The following ATRNL1 variants were observed in gnomAD, a reference collection of about 807,000 sequenced individuals.
ATRNL1 encodes attractin-like protein 1.
In ATRNL1, 95 loss-of-function variants were observed where a neutral mutation model predicts 182.7. The observed-to-expected ratio is 0.52, with a 90% confidence interval of 0.44 to 0.62. The LOEUF (loss-of-function observed/expected upper bound fraction) is 0.62. ATRNL1 is among the 20% of genes least tolerant of loss of function. ATRNL1 has a pLI of 0.00. For missense variants in ATRNL1, 1,471 were observed against 1,679.5 expected (o/e 0.88, Z 2.17); for synonymous variants, 576 against 568.3 (o/e 1.01, Z -0.19).
intron 26 of ATRNL1, among the ~76,000 whole-genome samples, chr10:115,712,893 G>T (rs1330633800): frequency 6.6e-6 from 1 of 151,284 alleles, no homozygotes; most frequent in Non-Finnish European, 1.5e-5. Flanking sequence ...AAAAAAATTA[G>T]AAATTTTTAA....
chr10:115,687,966 G>A (rs937449132), intron 26 of ATRNL1, among the ~76,000 whole-genome samples: 1 of 151,662 alleles, frequency 6.6e-6, no homozygotes, highest in Non-Finnish European at 1.5e-5. Context: ...TCACTCCCCC[G>A]CTCCCCACTG....
chr10:115,425,468 T>C (rs1212819652), intron 20 of ATRNL1, among the ~76,000 whole-genome samples: 2 of 152,018 alleles, frequency 1.3e-5, no homozygotes, highest in African/African-American at 4.8e-5. Flanking sequence ...AAAACCATGC[T>C]ATATCTCTAT....
At chr10:115,615,557 C>G (rs1165177313) in intron 26 of ATRNL1, among the ~76,000 whole-genome samples, 1 of 152,060 alleles carries the variant, frequency 6.6e-6, no homozygotes, top group South Asian at 2.1e-4. Flanking sequence ...TGTCCCCATC[C>G]AAATCTAATG....
At chr10:115,535,699 T>G (rs1851941108) in intron 25 of ATRNL1, among the ~76,000 whole-genome samples, 2 of 152,136 alleles carry the variant, frequency 1.3e-5, no homozygotes, top group Admixed American at 1.3e-4. Context: ...TTTTAGAGTT[T>G]CCAGTTTTTC....
chr10:115,377,384 C>T (rs143986319), intron 19 of ATRNL1, among the ~76,000 whole-genome samples: 88 of 152,288 alleles, frequency 5.8e-4, no homozygotes, highest in African/African-American at 1.8e-3. Flanking sequence ...AGGCCTCCCC[C>T]GCCATGTGGA....
At chr10:115,411,611 T>G (rs1845146500) in intron 20 of ATRNL1, among the ~76,000 whole-genome samples, 2 of 152,064 alleles carry the variant, frequency 1.3e-5, no homozygotes, top group African/African-American at 4.8e-5. Context: ...TAAAGGCTTT[T>G]AATGTTTTTA....
chr10:115,368,333 C>A (rs1271307522), intron 19 of ATRNL1, among the ~76,000 whole-genome samples: 3 of 152,234 alleles, frequency 2.0e-5, no homozygotes, highest in African/African-American at 7.2e-5. Flanking sequence ...AAGGGAACTC[C>A]CTGACCCTTG....
Position 115,093,497 on chromosome 10 carries a change from G to A in ATRNL1, c.-254G>A. 1.6e-6 allele frequency: 1 copy of A among 638,816 alleles called. No individual in the cohort carries two copies. The highest frequency in any genetic ancestry group is 2.8e-6 in the Non-Finnish European group (1 of 351,246). 39.6% of individuals were successfully genotyped at this position (638,816 alleles called of 1,614,324 possible). ...CCTCCGGCCGGGTCCGGGACGCCGC[G>A]GCTGTGGGGTCGGCCCGCTAAGGAC... On this transcript the variant is annotated 5_prime_UTR_variant, in exon 1 of 29. Transcript: ENST00000355044. This position sits in a 1 kb window ranked among gnomAD's most constrained non-coding sequence, Gnocchi z 6.1.
chr10:115,200,524 A>G (rs1446810758), intron 8 of ATRNL1, among the ~76,000 whole-genome samples: 4 of 149,176 alleles, frequency 2.7e-5, no homozygotes, highest in East Asian at 2.0e-4. Flanking sequence ...GATGATTTCC[A>G]ATTTCATCCA....
At chr10:115,474,422 A>G (rs1315973662) in intron 24 of ATRNL1, among the ~76,000 whole-genome samples, 3 of 151,328 alleles carry the variant, frequency 2.0e-5, no homozygotes, top group African/African-American at 7.3e-5. Context: ...GTCCTAGTGA[A>G]GTCCTTTTTA....
At chr10:115,573,598 G>T (rs1041077296) in intron 26 of ATRNL1, among the ~76,000 whole-genome samples, 1 of 152,084 alleles carries the variant, frequency 6.6e-6, no homozygotes, top group Admixed American at 6.6e-5. Flanking sequence ...CTTCTACCCA[G>T]TATTTCCCTG....
intron 27 of ATRNL1, among the ~76,000 whole-genome samples, chr10:115,759,014 ATACT>A (rs1186186646): frequency 2.6e-5 from 4 of 152,226 alleles, no homozygotes; most frequent in Non-Finnish European, 5.9e-5. Context: ...CAATTTTAAA[ATACT>A]TCATTCAATC....
chr10:115,198,159 T>G (rs1554891500), intron 8 of ATRNL1, among the ~76,000 whole-genome samples: 2 of 152,184 alleles, frequency 1.3e-5, no homozygotes, highest in African/African-American at 4.8e-5. Context: ...TTTCTCCACA[T>G]TCTTGCCAAC....
chr10:115,187,159 C>T (rs1847972789), intron 8 of ATRNL1, among the ~76,000 whole-genome samples: 2 of 150,470 alleles, frequency 1.3e-5, no homozygotes, highest in South Asian at 4.2e-4. Context: ...TACTTGTACA[C>T]TGTTTCTGGG....
chr10:115,936,781 A>C (rs1329521844), intron 28 of ATRNL1, among the ~76,000 whole-genome samples: 2 of 152,162 alleles, frequency 1.3e-5, no homozygotes, highest in African/African-American at 4.8e-5. Flanking sequence ...GGTTTCTAAT[A>C]AGGATTGTCA....
chr10:115,293,292 T>C (rs782201350), intron 15 of ATRNL1, among the ~76,000 whole-genome samples: 1 of 152,110 alleles, frequency 6.6e-6, no homozygotes, highest in African/African-American at 2.4e-5. Context: ...TAGTTATTTT[T>C]TTAAAAAATA....
intron 27 of ATRNL1, among the ~76,000 whole-genome samples, chr10:115,809,236 A>G (rs1949992227): frequency 6.6e-6 from 1 of 152,016 alleles, no homozygotes; most frequent in Non-Finnish European, 1.5e-5. Context: ...TATTGTGACT[A>G]TATTAGGTCT....
chr10:115,322,776 G>A (rs1854647655), intron 18 of ATRNL1, among the ~76,000 whole-genome samples: 1 of 151,950 alleles, frequency 6.6e-6, no homozygotes, highest in Admixed American at 6.6e-5. Flanking sequence ...AGGATTCTTA[G>A]TTAGCATTGT....
At chr10:115,170,344 G>A (rs971764710) in intron 7 of ATRNL1, among the ~76,000 whole-genome samples, 1 of 152,010 alleles carries the variant, frequency 6.6e-6, no homozygotes, top group Non-Finnish European at 1.5e-5. Context: ...CATCATTTAT[G>A]TACCATTTAT....
Sources: gnomAD v4.1 joint callset for allele counts (sites outside exome capture counted in the v4.1 genomes callset) on GRCh38, gnomAD v4.1.1 for gene constraint, Gnocchi (gnomAD v3.1) non-coding constraint, MANE v1.5 for transcripts, NCBI Gene and HGNC (gene_info 2026-07-23, HGNC 2026-07-21) for gene names.